NFIB: variants seen among roughly 807,000 people sequenced by gnomAD.
The protein encoded by NFIB is nuclear factor 1 B-type.
In NFIB, 11 loss-of-function variants were observed where a neutral mutation model predicts 61.5. The ratio of observed to expected loss-of-function variants is 0.18; its 90% CI spans 0.11 to 0.30. The LOEUF (loss-of-function observed/expected upper bound fraction) is 0.30. Ranked by LOEUF, NFIB falls within the 10% of genes least tolerant of loss-of-function variation. NFIB has a pLI of 1.00. For synonymous variants in NFIB, 260 were observed against 216.5 expected (o/e 1.20, Z -1.76); for missense variants, 471 against 608.9 (o/e 0.77, Z 2.38).
the NFIB span, among the ~76,000 whole-genome samples, chr9:14,448,435 T>C: frequency 1.3e-5 from 2 of 152,204 alleles, no homozygotes; most frequent in Non-Finnish European, 2.9e-5. Flanking sequence ...ATTTATATAT[T>C]CTAAGAGTTG....
Position 14,314,080 on chromosome 9 carries a change from G to T in NFIB, c.-569C>A. Reference sequence around the variant, plus strand: ...GCGGCAGGATCCCGGAGTGGTGATCGCAGGCGAAACTTTGCCGCGAGCCGA... The same window carrying T: ...GCGGCAGGATCCCGGAGTGGTGATCTCAGGCGAAACTTTGCCGCGAGCCGA... On this transcript the variant is annotated 5_prime_UTR_variant, in exon 1 of 11. An upstream open reading frame in the 5' UTR gains an earlier in-frame stop. Transcript: ENST00000380953. The T allele has an allele frequency of 9.5e-7, 1 of 1,056,304 alleles. No individual in the cohort carries two copies. The highest frequency in any genetic ancestry group is 1.1e-6 in the Non-Finnish European group (1 of 874,042). The allele number at this position is 1,056,304 out of a possible 1,614,324, so 65.4% of individuals were successfully genotyped here. A position where few individuals can be genotyped will look rare whatever the true frequency, so the allele number is the denominator to read the frequency against.
chr9:14,314,024 G>T lies in NFIB; in HGVS notation c.-513C>A. The T allele has an allele frequency of 9.3e-7, 1 of 1,070,538 alleles. No individual in the cohort carries two copies. The allele number at this position is 1,070,538 out of a possible 1,614,324, so 66.3% of individuals were successfully genotyped here. ...AGCGGGGAGAATGTGTCACCGCGCT[G>T]GGAAAGTTCAAGGTTACAGCCCCAA... is the stretch of plus-strand genomic sequence containing the variant. On this transcript the variant is annotated 5_prime_UTR_variant, in exon 1 of 11. Transcript: ENST00000380953.
the NFIB span, among the ~76,000 whole-genome samples, chr9:14,439,251 T>A: frequency 1.3e-5 from 2 of 152,118 alleles, no homozygotes; most frequent in Non-Finnish European, 2.9e-5. Context: ...AGGCCTGTAG[T>A]CCCAGATACT....
chr9:14,294,966 A>G (rs2059335853), intron 2 of NFIB, among the ~76,000 whole-genome samples: 1 of 152,210 alleles, frequency 6.6e-6, no homozygotes, highest in Admixed American at 6.5e-5. Context: ...CTCCATGGAC[A>G]CAACCAACCA....
chr9:14,222,795 CAAAA>C (rs58787088), intron 2 of NFIB, among the ~76,000 whole-genome samples: 1 of 86,770 alleles, frequency 1.2e-5, no homozygotes, highest in Non-Finnish European at 2.1e-5. Flanking sequence ...GATCCTGTCT[CAAAA>C]AAAAAAAAAA....
the NFIB span, among the ~76,000 whole-genome samples, chr9:14,501,993 G>C: frequency 6.6e-6 from 1 of 152,204 alleles, no homozygotes; most frequent in Non-Finnish European, 1.5e-5. Flanking sequence ...AGGGAGAGAA[G>C]ATTTGAATTG....
the NFIB span, among the ~76,000 whole-genome samples, chr9:14,467,523 G>A: frequency 1.3e-3 from 198 of 152,280 alleles, 1 homozygote; most frequent in African/African-American, 4.5e-3. Context: ...TTACTGGGGT[G>A]AAGGGATATC....
chr9:14,297,381 C>T (rs1415536364), intron 2 of NFIB, among the ~76,000 whole-genome samples: 2 of 152,214 alleles, frequency 1.3e-5, no homozygotes, highest in African/African-American at 2.4e-5. Context: ...AAATGAGATT[C>T]AGAGCACTTC....
chr9:14,153,860 T>G (rs1462211672), intron 4 of NFIB, among the ~76,000 whole-genome samples: 1 of 152,172 alleles, frequency 6.6e-6, no homozygotes, highest in Non-Finnish European at 1.5e-5. Flanking sequence ...TGCGGATATA[T>G]TAAAACACTT....
At chr9:14,416,882 A>G in the NFIB span, among the ~76,000 whole-genome samples, 42 of 136,584 alleles carry the variant, frequency 3.1e-4, no homozygotes, top group African/African-American at 1.1e-3. Context: ...GTATAGGTAT[A>G]CTATTTTTAC....
intron 3 of NFIB, among the ~76,000 whole-genome samples, chr9:14,174,398 T>G (rs188482927): frequency 1.3e-5 from 2 of 152,300 alleles, no homozygotes; most frequent in East Asian, 1.9e-4. Context: ...TAGTGCATTT[T>G]TCCTCATTAA....
the NFIB span, among the ~76,000 whole-genome samples, chr9:14,463,539 C>T: frequency 2.0e-5 from 3 of 152,110 alleles, no homozygotes; most frequent in African/African-American, 7.2e-5. Context: ...TCTCTAATTC[C>T]TCCCCTCCTT....
intron 2 of NFIB, among the ~76,000 whole-genome samples, chr9:14,273,859 G>C (rs1246759915): frequency 6.6e-6 from 1 of 152,170 alleles, no homozygotes; most frequent in Non-Finnish European, 1.5e-5. Context: ...CCTCCCAAGA[G>C]GCAGAGCTGT....
chr9:14,225,481 G>GAAAAAAAAAA (rs2052275058), intron 2 of NFIB, among the ~76,000 whole-genome samples: 1 of 63,496 alleles, frequency 1.6e-5, no homozygotes, highest in Non-Finnish European at 3.0e-5. Flanking sequence ...AAAAAAAAAA[G>GAAAAAAAAAA]AAGAAGAAGA....
chr9:14,519,205 T>G, the NFIB span, among the ~76,000 whole-genome samples: 1 of 152,142 alleles, frequency 6.6e-6, no homozygotes, highest in Non-Finnish European at 1.5e-5. Flanking sequence ...TAAGGCAAGC[T>G]CAACCTCGTT....
At position 14,289,770 on chromosome 9, in the gene NFIB, A is replaced by T. The variant is rs191279711; in HGVS notation, c.562+17219T>A. Among the ~76,000 whole-genome samples the T allele has an allele frequency of 2.6e-5, 4 of 152,134 alleles. No homozygotes were observed. In the East Asian group the frequency reaches 7.7e-4, roughly 29 times the overall value. On this transcript the variant is annotated intron_variant, in intron 2 of 10. Transcript: ENST00000380953. ...TCATTTTTAATGAATAAGAGAAAAC[A>T]GTCAAAATTATTCTTCAGAGAATAA...
At chr9:14,232,360 G>C (rs2053292623) in intron 2 of NFIB, among the ~76,000 whole-genome samples, 1 of 152,146 alleles carries the variant, frequency 6.6e-6, no homozygotes, top group African/African-American at 2.4e-5. Flanking sequence ...GAGCAGCCAT[G>C]GGCTTAACTC....
the NFIB span, among the ~76,000 whole-genome samples, chr9:14,491,366 T>C: frequency 6.6e-6 from 1 of 152,122 alleles, no homozygotes; most frequent in East Asian, 1.9e-4. Context: ...TGAGGATAAA[T>C]AGGATGAATA....
At chr9:14,102,341 G>T in intron 10 of NFIB, 1 of 1,199,500 alleles carries the variant, frequency 8.3e-7, no homozygotes, top group Non-Finnish European at 1.2e-6. Flanking sequence ...TATATTTTCT[G>T]TAAAGCTAGT....
Sources: gnomAD v4.1 joint callset for allele counts (sites outside exome capture counted in the v4.1 genomes callset) on GRCh38, gnomAD v4.1.1 for gene constraint, MANE v1.5 for transcripts, NCBI Gene and HGNC (gene_info 2026-07-23, HGNC 2026-07-21) for gene names.